The following ARPC1A variants were observed in gnomAD, a reference collection of about 807,000 sequenced individuals.
The protein encoded by ARPC1A is actin-related protein 2/3 complex subunit 1A.
A neutral mutation model predicts 46.9 loss-of-function variants in ARPC1A; 8 were observed. The observed-to-expected ratio is 0.17, with a 90% CI of 0.10 to 0.31. The LOEUF (loss-of-function observed/expected upper bound fraction) is 0.31. ARPC1A is among the 10% of genes least tolerant of loss of function. The probability of loss-of-function intolerance (pLI) is 1.00; values close to 1 mark genes in which losing one functional copy is unlikely to be tolerated. For synonymous variants in ARPC1A, 152 were observed against 169.0 expected, an observed-to-expected ratio of 0.90 and a Z score of 0.78; for missense variants, 286 against 483.6, an observed-to-expected ratio of 0.59 and a Z score of 3.83.
chr7:99,358,917 C>T (rs923863250), intron 7 of ARPC1A: 33 of 150,774 alleles, frequency 2.2e-4, no homozygotes, highest in South Asian at 4.2e-4. Flanking sequence ...CTGCAAGCTC[C>T]GCCTCCCGGG....
chr7:99,351,203 A>G (rs1478537892), intron 5 of ARPC1A, among the ~76,000 whole-genome samples: 1 of 152,034 alleles, frequency 6.6e-6, no homozygotes, highest in East Asian at 1.9e-4. Flanking sequence ...TGGTTGTGAA[A>G]ATAGGTTGCA....
At chr7:99,352,171 T>C (rs575737271) in intron 5 of ARPC1A, among the ~76,000 whole-genome samples, 4 of 152,232 alleles carry the variant, frequency 2.6e-5, no homozygotes, top group South Asian at 2.1e-4. Flanking sequence ...TGGAGTACTG[T>C]GTTGAGAATG....
At chr7:99,333,468 T>A (rs1297005713) in intron 2 of ARPC1A, 51 bp downstream of exon 2, 2 of 1,514,116 alleles carry the variant, frequency 1.3e-6, no homozygotes, top group African/African-American at 2.8e-5. Context: ...TTGGTACATT[T>A]CATCTTTAGA....
chr7:99,331,278 A>C (rs1793139888), intron 1 of ARPC1A, among the ~76,000 whole-genome samples: 1 of 152,064 alleles, frequency 6.6e-6, no homozygotes, highest in African/African-American at 2.4e-5. Flanking sequence ...GCTTGTAGCC[A>C]CAGCTACTCA....
chr7:99,355,801 C>T (rs754726193), intron 6 of ARPC1A, among the ~76,000 whole-genome samples: 8 of 149,814 alleles, frequency 5.3e-5, no homozygotes, highest in Non-Finnish European at 1.0e-4. Context: ...ATGTAAGTGC[C>T]GTTCACCGGC....
At chr7:99,330,223 T>C (rs1793123386) in intron 1 of ARPC1A, among the ~76,000 whole-genome samples, 1 of 152,220 alleles carries the variant, frequency 6.6e-6, no homozygotes, top group Non-Finnish European at 1.5e-5. Context: ...GAATAGAATA[T>C]GAAATGCTAG....
intron 4 of ARPC1A, among the ~76,000 whole-genome samples, chr7:99,345,353 A>G (rs1027861733): frequency 6.6e-6 from 1 of 152,170 alleles, no homozygotes; most frequent in Non-Finnish European, 1.5e-5. Flanking sequence ...GCTATTGCAC[A>G]TTTTTTAAAT....
At position 99,338,300 on chromosome 7, in the gene ARPC1A, C is replaced by G. The variant is rs1793291425; in HGVS notation, c.169+15C>G. ...ACACATCACAGGTAAAGGAAGATAG[C>G]CGTGAGCTTAGTGTGATATTTCCAA... On this transcript the variant is annotated intron_variant, in intron 3 of 9. Coordinates refer to ENST00000262942, the MANE Select transcript of ARPC1A (RefSeq NM_006409.4). 1 of 1,563,014 alleles carries G rather than the reference C, an allele frequency of 6.4e-7. No homozygotes were observed. Among genetic ancestry groups the G allele is most frequent in the African/African-American group, 1.4e-5 (1 of 73,296 alleles).
intron 9 of ARPC1A, 45 bp downstream of exon 9, chr7:99,363,678 T>C: frequency 1.5e-6 from 2 of 1,332,364 alleles, no homozygotes; most frequent in Non-Finnish European, 2.0e-6. Flanking sequence ...GTTAAAACTT[T>C]TTTTTTTTTT....
chr7:99,355,325 A>G (rs1425474625), intron 6 of ARPC1A, among the ~76,000 whole-genome samples: 1 of 152,092 alleles, frequency 6.6e-6, no homozygotes, highest in African/African-American at 2.4e-5. Flanking sequence ...ACAGGCACAG[A>G]CACAAATTCT....
intron 4 of ARPC1A, 96 bp downstream of exon 4, chr7:99,344,611 G>A: frequency 1.6e-6 from 2 of 1,275,372 alleles, no homozygotes; most frequent in Admixed American, 4.5e-5. Context: ...TTCTCATCCG[G>A]AGTTGTGTGG....
chr7:99,363,763 C>G, intron 9 of ARPC1A, 130 bp downstream of exon 9: 1 of 646,794 alleles, frequency 1.5e-6, no homozygotes, highest in East Asian at 2.8e-5. Context: ...CAGCCACCAA[C>G]TCCTTGCCTC....
chr7:99,329,664 T>TC (rs1353219151), intron 1 of ARPC1A, among the ~76,000 whole-genome samples: 5 of 152,234 alleles, frequency 3.3e-5, no homozygotes, highest in Non-Finnish European at 1.5e-5. Context: ...ACTTGAATGA[T>TC]ATGGCAAAAT....
rs552083843 is a variant in ARPC1A at position 99,338,347 on chromosome 7, A to G, written c.169+62A>G. 5.4e-5 allele frequency: 64 copies of G among 1,188,438 alleles called. No homozygotes were observed. The East Asian group carries it at 1.1e-3, about 21-fold the overall frequency. The allele number at this position is 1,188,438 out of a possible 1,614,324, so 73.6% of individuals were successfully genotyped here. A position where few individuals can be genotyped will look rare whatever the true frequency, so the allele number is the denominator to read the frequency against. ...CCAAATCAGGCACTCTTCCTTTTAGATAAAGAGCCTAATAAACCCAGGTGG... is the reference window on the plus strand; with the variant it reads ...CCAAATCAGGCACTCTTCCTTTTAGGTAAAGAGCCTAATAAACCCAGGTGG... On this transcript the variant is annotated intron_variant, in intron 3 of 9. Transcript: ENST00000262942.
chr7:99,360,697 T>C lies in ARPC1A; in HGVS notation c.983+959T>C, dbSNP rs927316082. Among the ~76,000 whole-genome samples, 6 of 152,210 alleles carry C rather than the reference T, an allele frequency of 3.9e-5. No individual in the cohort carries two copies. The South Asian group carries it at 1.0e-3, about 26-fold the overall frequency. On this transcript the variant is annotated intron_variant, in intron 8 of 9. Coordinates refer to ENST00000262942, the MANE Select transcript of ARPC1A (RefSeq NM_006409.4). ...GCTTACACCTTTAATCCCAGCACTT[T>C]GGGAGGCTGAGGCAGGCAGATCACT...
intron 1 of ARPC1A, among the ~76,000 whole-genome samples, chr7:99,327,191 CTTT>C (rs748190485): frequency 2.8e-5 from 4 of 143,194 alleles, no homozygotes; most frequent in African/African-American, 2.5e-5. Context: ...TGTTGTCTTC[CTTT>C]TTTTTTTTTT....
At chr7:99,347,421 G>A (rs977306793) in intron 4 of ARPC1A, among the ~76,000 whole-genome samples, 1 of 152,126 alleles carries the variant, frequency 6.6e-6, no homozygotes, top group Non-Finnish European at 1.5e-5. Flanking sequence ...AAGTGATTCT[G>A]TAGCCAGGCG....
intron 1 of ARPC1A, among the ~76,000 whole-genome samples, chr7:99,329,837 A>G (rs1793115448): frequency 6.6e-6 from 1 of 152,246 alleles, no homozygotes; most frequent in Admixed American, 6.5e-5. Flanking sequence ...TATGGCACGT[A>G]GATATTCACA....
chr7:99,354,167 A>G lies in ARPC1A; in HGVS notation c.713+46A>G, dbSNP rs1307457707. On this transcript the variant is annotated intron_variant, in intron 6 of 9. Transcript: ENST00000262942. ...TGGAAGGTGGGGAACAAGGGGTGGG[A>G]TCTCTCACCAGCTGAACCAGGACTG... 3.1e-6 allele frequency: 5 copies of G among 1,589,786 alleles called. No individual in the cohort carries two copies. The South Asian group carries it at 5.7e-5, about 18-fold the overall frequency.
Sources: allele counts gnomAD v4.1 joint callset (sites outside exome capture counted in the v4.1 genomes callset), GRCh38; gene constraint gnomAD v4.1.1; transcripts MANE v1.5; gene names NCBI Gene and HGNC (gene_info 2026-07-23, HGNC 2026-07-21).